Variants in CHST11 observed in about 807,000 individuals in gnomAD.
The protein encoded by CHST11 is C4S-1.
In CHST11, 9 loss-of-function variants were observed where a neutral mutation model predicts 30.4. The observed-to-expected ratio is 0.30, with a 90% CI of 0.18 to 0.52. The LOEUF is 0.52. Among genes scored for constraint, CHST11 ranks in the 20% least tolerant of loss-of-function variants. CHST11 has a pLI of 0.97. For missense variants in CHST11, 348 were observed against 460.6 expected, an observed-to-expected ratio of 0.76 and a Z score of 2.24; for synonymous variants, 152 against 187.8, an observed-to-expected ratio of 0.81 and a Z score of 1.56.
intron 2 of CHST11, among the ~76,000 whole-genome samples, chr12:104,728,552 AGTTCCC>A: frequency 6.6e-6 from 1 of 152,280 alleles, no homozygotes; most frequent in South Asian, 2.1e-4. Context: ...TGAATTTCAG[AGTTCCC>A]AACTGTGTTT....
At chr12:104,705,238 C>T (rs2040022357) in intron 2 of CHST11, among the ~76,000 whole-genome samples, 2 of 152,088 alleles carry the variant, frequency 1.3e-5, no homozygotes, top group Admixed American at 1.3e-4. Context: ...AGCGTCATGG[C>T]CTGGAGGGTT....
chr12:104,570,451 C>CA (rs2038613009), intron 1 of CHST11, among the ~76,000 whole-genome samples: 1 of 152,112 alleles, frequency 6.6e-6, no homozygotes, highest in Non-Finnish European at 1.5e-5. Context: ...TTCTTGGTGT[C>CA]CCATCTATGC....
chr12:104,524,806 G>A (rs770404075), intron 1 of CHST11, among the ~76,000 whole-genome samples: 11 of 152,212 alleles, frequency 7.2e-5, no homozygotes, highest in African/African-American at 9.6e-5. Flanking sequence ...TACAGTCTGC[G>A]GTACAGGATG....
chr12:104,590,316 G>A (rs2038845970), intron 1 of CHST11, among the ~76,000 whole-genome samples: 1 of 152,232 alleles, frequency 6.6e-6, no homozygotes, highest in South Asian at 2.1e-4. Flanking sequence ...ATCTGATTCA[G>A]AAGGGCTGGG....
In CHST11 at chr12:104,757,220, C is replaced by T. The variant is rs751147954; in HGVS notation, c.476C>T (p.Ala159Val). Reference sequence around the variant, plus strand: ...CCGGCCAACGAGGCACACGTCTCCGCCAACCTGAAGACCCTGAACCAGTAC... The same window carrying T: ...CCGGCCAACGAGGCACACGTCTCCGTCAACCTGAAGACCCTGAACCAGTAC... ...EIPANEAHVS[A>V]NLKTLNQYSI... Residue 159 changes from alanine to valine, a missense_variant, in exon 3 of 3, where the codon GCC becomes GTC. Coordinates refer to ENST00000303694, the MANE Select transcript of CHST11 (RefSeq NM_018413.6). This position sits in a 1 kb window ranked among gnomAD's most constrained non-coding sequence, Gnocchi z 6.5. 1 of 1,614,008 alleles carries T rather than the reference C, an allele frequency of 6.2e-7. No individual in the cohort carries two copies. Among genetic ancestry groups the T allele is most frequent in the East Asian group, 2.2e-5 (1 of 44,884 alleles).
chr12:104,497,909 C>CTTT (rs1205174607), intron 1 of CHST11, among the ~76,000 whole-genome samples: 9,325 of 75,800 alleles, frequency 0.12, 684 homozygotes, highest in East Asian at 0.21. Flanking sequence ...CCTGCCCCCT[C>CTTT]TTTTTTTTTT....
At chr12:104,752,885 A>G (rs2040445175) in intron 2 of CHST11, among the ~76,000 whole-genome samples, 1 of 152,164 alleles carries the variant, frequency 6.6e-6, no homozygotes, top group East Asian at 1.9e-4. Flanking sequence ...ATCCCTACAG[A>G]GATTATTAAG....
chr12:104,743,813 A>G (rs964526019), intron 2 of CHST11, among the ~76,000 whole-genome samples: 2 of 151,952 alleles, frequency 1.3e-5, no homozygotes, highest in African/African-American at 2.4e-5. Context: ...CTCTGTGTCC[A>G]TGTGTTCTCA....
chr12:104,527,850 G>A (rs1407276313), intron 1 of CHST11, among the ~76,000 whole-genome samples: 1 of 152,220 alleles, frequency 6.6e-6, no homozygotes, highest in Non-Finnish European at 1.5e-5. Flanking sequence ...ATGGCGGAAG[G>A]TGAAAGGGAA....
chr12:104,718,156 C>T (rs1291139059), intron 2 of CHST11, among the ~76,000 whole-genome samples: 2 of 152,168 alleles, frequency 1.3e-5, no homozygotes, highest in African/African-American at 4.8e-5. Context: ...CATTCCCTCA[C>T]TAAATTCTCA....
intron 1 of CHST11, among the ~76,000 whole-genome samples, chr12:104,472,101 T>C (rs1276236740): frequency 1.3e-5 from 2 of 150,046 alleles, no homozygotes; most frequent in South Asian, 2.1e-4. Flanking sequence ...GGACTACAGG[T>C]GTGCACCATC....
chr12:104,466,320 C>CA (rs1326014835), intron 1 of CHST11, among the ~76,000 whole-genome samples: 4 of 151,144 alleles, frequency 2.6e-5, no homozygotes, highest in Admixed American at 2.0e-4. Context: ...CATGGCTGTT[C>CA]AAAAAAAACA....
chr12:104,640,086 GGT>G (rs1320324214), intron 2 of CHST11, among the ~76,000 whole-genome samples: 1 of 152,196 alleles, frequency 6.6e-6, no homozygotes, highest in Non-Finnish European at 1.5e-5. Flanking sequence ...ACCAAATGCT[GGT>G]GAAGACATGG....
chr12:104,569,254 T>C (rs2038599368), intron 1 of CHST11, among the ~76,000 whole-genome samples: 2 of 152,318 alleles, frequency 1.3e-5, no homozygotes, highest in Middle Eastern at 6.8e-3. Flanking sequence ...ATTCTAGGAA[T>C]AGAGAACCCT....
At chr12:104,470,351 G>T (rs572504229) in intron 1 of CHST11, among the ~76,000 whole-genome samples, 74 of 152,272 alleles carry the variant, frequency 4.9e-4, no homozygotes, top group African/African-American at 1.3e-3. Flanking sequence ...AGGGCAGCAG[G>T]AGAGAGAATG....
intron 1 of CHST11, among the ~76,000 whole-genome samples, chr12:104,503,224 C>A (rs1003193022): frequency 1.3e-5 from 2 of 152,248 alleles, no homozygotes; most frequent in East Asian, 3.9e-4. Context: ...GGCTGTATGA[C>A]CTCGGACAAG....
chr12:104,562,213 C>T (rs1468691046), intron 1 of CHST11, among the ~76,000 whole-genome samples: 2 of 152,118 alleles, frequency 1.3e-5, no homozygotes, highest in Non-Finnish European at 2.9e-5. Context: ...CGGGTCACCA[C>T]GGAGGAGCCT....
chr12:104,466,550 T>G (rs1275816410), intron 1 of CHST11, among the ~76,000 whole-genome samples: 1 of 152,202 alleles, frequency 6.6e-6, no homozygotes, highest in African/African-American at 2.4e-5. Context: ...TTTCTAAATC[T>G]CAAGTGAGTG....
chr12:104,686,232 T>TAAAAAAAAAAAAAAAAA (rs55789725), intron 2 of CHST11, among the ~76,000 whole-genome samples: 95 of 99,090 alleles, frequency 9.6e-4, no homozygotes, highest in African/African-American at 2.8e-3. Context: ...ACTCACCTCT[T>TAAAAAAAAAAAAAAAAA]AAAAAAAAAA....
Sources: gnomAD v4.1 joint callset for allele counts (sites outside exome capture counted in the v4.1 genomes callset) on GRCh38, gnomAD v4.1.1 for gene constraint, Gnocchi (gnomAD v3.1) non-coding constraint, MANE v1.5 for transcripts, NCBI Gene and HGNC (gene_info 2026-07-23, HGNC 2026-07-21) for gene names.